Variants in PAQR5 observed in about 807,000 individuals in gnomAD.
The protein encoded by PAQR5 is progestin and adipoQ receptor family member 5, also known as membrane progestin receptor gamma.
Under a neutral mutation model 34.5 loss-of-function variants are expected in PAQR5, and 20 were observed. The observed-to-expected ratio is 0.58, with a 90% CI of 0.41 to 0.84. The LOEUF is 0.84. PAQR5 is among the 40% of genes least tolerant of loss of function. The pLI is 0.00. For synonymous variants in PAQR5, 131 were observed against 155.6 expected, an observed-to-expected ratio of 0.84 and a Z score of 1.18; for missense variants, 378 against 412.7, an observed-to-expected ratio of 0.92 and a Z score of 0.73.
chr15:69,356,542 A>G (rs2055082667), intron 2 of PAQR5, among the ~76,000 whole-genome samples: 1 of 152,224 alleles, frequency 6.6e-6, no homozygotes, highest in African/African-American at 2.4e-5. Context: ...AGTGGCATTA[A>G]GTACGTTGGT....
chr15:69,369,781 G>A (rs1319413502), intron 3 of PAQR5, among the ~76,000 whole-genome samples: 7 of 145,542 alleles, frequency 4.8e-5, no homozygotes, highest in Non-Finnish European at 9.0e-5. Context: ...TTTCCTTATC[G>A]TCCTCTTCTG....
Position 69,405,235 on chromosome 15 carries a change from G to C in PAQR5, c.*1413G>C, listed in dbSNP as rs556506819. ...AGATCTGCACTTGGTAATGACTTAG[G>C]GGGGCTTCCTCACAATGCAGGATCC... is the stretch of plus-strand genomic sequence containing the variant. On this transcript the variant is annotated 3_prime_UTR_variant, in exon 9 of 9. Transcript: ENST00000395407. 1 of 368,524 alleles carries C rather than the reference G, an allele frequency of 2.7e-6. No homozygotes were observed. Among genetic ancestry groups the C allele is most frequent in the East Asian group, 3.9e-5 (1 of 25,508 alleles). The allele number at this position is 368,524 out of a possible 1,614,324, so 22.8% of individuals were successfully genotyped here. A position where few individuals can be genotyped will look rare whatever the true frequency, so the allele number is the denominator to read the frequency against.
chr15:69,299,513 T>C (rs2053476985), intron 1 of PAQR5, among the ~76,000 whole-genome samples: 1 of 152,180 alleles, frequency 6.6e-6, no homozygotes, highest in Admixed American at 6.5e-5. Context: ...GAGCCTGGGC[T>C]GAGCAGGACC....
chr15:69,352,764 A>G (rs2054956104), intron 2 of PAQR5, among the ~76,000 whole-genome samples: 1 of 152,232 alleles, frequency 6.6e-6, no homozygotes, highest in Admixed American at 6.5e-5. Flanking sequence ...CCAGATGTAT[A>G]TAGTTTACTG....
chr15:69,386,624 C>A (rs1391783102), intron 5 of PAQR5, among the ~76,000 whole-genome samples: 1 of 144,490 alleles, frequency 6.9e-6, no homozygotes, highest in East Asian at 2.3e-4. Context: ...CCCTCCATGT[C>A]CCCCCTCCCC....
At chr15:69,315,060 T>G (rs910734423) in intron 1 of PAQR5, among the ~76,000 whole-genome samples, 1 of 152,114 alleles carries the variant, frequency 6.6e-6, no homozygotes, top group Admixed American at 6.5e-5. Flanking sequence ...CAGCCTGGGA[T>G]GAGGAGACTG....
chr15:69,302,572 G>T (rs2053629016), intron 1 of PAQR5, among the ~76,000 whole-genome samples: 1 of 152,166 alleles, frequency 6.6e-6, no homozygotes, highest in African/African-American at 2.4e-5. Context: ...TGAGGATGCT[G>T]CCCACCTTGC....
chr15:69,379,341 T>C, intron 3 of PAQR5: 1 of 803,214 alleles, frequency 1.2e-6, no homozygotes. Flanking sequence ...AGCCGTGCTG[T>C]GGGCAGCCAC....
chr15:69,391,198 T>C (rs1035320776), intron 6 of PAQR5: 1 of 153,488 alleles, frequency 6.5e-6, no homozygotes, highest in Non-Finnish European at 1.5e-5. Context: ...CCCCATCTGG[T>C]AACTTCTCCA....
chr15:69,357,215 A>G (rs2055103006), intron 2 of PAQR5, among the ~76,000 whole-genome samples: 1 of 151,954 alleles, frequency 6.6e-6, no homozygotes, highest in Non-Finnish European at 1.5e-5. Context: ...ACTGTGAGCC[A>G]ATTAAACCTC....
intron 2 of PAQR5, among the ~76,000 whole-genome samples, chr15:69,338,041 C>T (rs1595869890): frequency 1.3e-5 from 2 of 152,266 alleles, no homozygotes; most frequent in Non-Finnish European, 1.5e-5. Flanking sequence ...TACACCACTG[C>T]ACTCCAGCCT....
chr15:69,380,289 C>T lies in PAQR5; in HGVS notation c.179+279C>T, dbSNP rs1415882388. The T allele has an allele frequency of 2.3e-5, 8 of 340,988 alleles. No homozygotes were observed. In the East Asian group the frequency reaches 4.7e-4, roughly 20 times the overall value. The allele number at this position is 340,988 out of a possible 1,614,324, so 21.1% of individuals were successfully genotyped here. A position where few individuals can be genotyped will look rare whatever the true frequency, so the allele number is the denominator to read the frequency against. On this transcript the variant is annotated intron_variant, in intron 4 of 8. Transcript: ENST00000395407. ...CCTGCTCCGGTGCCTGATATGATAG[C>T]ATTTACCTTCATCTCCGGTCTTGGA...
Position 69,405,335 on chromosome 15 carries a change from C to T in PAQR5, c.*1513C>T. 4.5e-6 allele frequency: 1 copy of T among 220,704 alleles called. No individual in the cohort carries two copies. The highest frequency in any genetic ancestry group is 8.8e-6 in the Non-Finnish European group (1 of 113,698). The allele number at this position is 220,704 out of a possible 1,614,324, so 13.7% of individuals were successfully genotyped here. A position where few individuals can be genotyped will look rare whatever the true frequency, so the allele number is the denominator to read the frequency against. On this transcript the variant is annotated 3_prime_UTR_variant, in exon 9 of 9. Coordinates refer to ENST00000395407, the MANE Select transcript of PAQR5 (RefSeq NM_017705.4). ...TTAACTAGCCCAGACATTTGAATGG[C>T]CTTGTAAACAGCTCACTGTCTAATA...
At position 69,397,634 on chromosome 15, in the gene PAQR5, T is replaced by C. The variant is rs2140250523; in HGVS notation, c.609+70T>C. On this transcript the variant is annotated intron_variant, in intron 7 of 8. Coordinates refer to ENST00000395407, the MANE Select transcript of PAQR5 (RefSeq NM_017705.4). ...GAAGTCAGTTGTTTTCCTGAGCTTC[T>C]GGGGGGTCACAGCACTGCAATGGGA... 4.8e-6 allele frequency: 5 copies of C among 1,048,562 alleles called. No individual in the cohort carries two copies. The East Asian group carries it at 1.2e-4, about 25-fold the overall frequency. The allele number at this position is 1,048,562 out of a possible 1,614,324, so 65.0% of individuals were successfully genotyped here. A position where few individuals can be genotyped will look rare whatever the true frequency, so the allele number is the denominator to read the frequency against.
chr15:69,324,403 G>A (rs2054200153), intron 1 of PAQR5, among the ~76,000 whole-genome samples: 1 of 152,216 alleles, frequency 6.6e-6, no homozygotes, highest in South Asian at 2.1e-4. Flanking sequence ...TTGAGTCCTT[G>A]TCATCTGGTA....
intron 5 of PAQR5, among the ~76,000 whole-genome samples, chr15:69,386,210 A>G (rs182446411): frequency 1.2e-3 from 180 of 150,966 alleles, no homozygotes; most frequent in Middle Eastern, 0.01. Context: ...ACACACATTC[A>G]CACACTCACA....
intron 1 of PAQR5, among the ~76,000 whole-genome samples, chr15:69,325,403 G>C (rs565278666): frequency 6.6e-6 from 1 of 152,178 alleles, no homozygotes; most frequent in Non-Finnish European, 1.5e-5. Context: ...CCTGCAGCCA[G>C]GTGCACAGTG....
chr15:69,399,099 A>G (rs11072095), intron 7 of PAQR5, among the ~76,000 whole-genome samples: 128,511 of 152,194 alleles, frequency 0.84, 56,203 homozygotes, highest in Non-Finnish European at 0.97. Flanking sequence ...TACAAAAACT[A>G]TACTTAGCTC....
At chr15:69,333,295 CCT>C (rs1361386733) in intron 1 of PAQR5, among the ~76,000 whole-genome samples, 4 of 152,116 alleles carry the variant, frequency 2.6e-5, no homozygotes, top group African/African-American at 9.7e-5. Context: ...CGGATAGATC[CCT>C]CTCAGAATCA....
Sources: allele counts gnomAD v4.1 joint callset (sites outside exome capture counted in the v4.1 genomes callset), GRCh38; gene constraint gnomAD v4.1.1; transcripts MANE v1.5; gene names NCBI Gene and HGNC (gene_info 2026-07-23, HGNC 2026-07-21).